CD300LG: variants seen among roughly 807,000 people sequenced by gnomAD.
CD300LG encodes the protein CD300 molecule like family member g.
Under a neutral mutation model 31.5 loss-of-function variants are expected in CD300LG, and 29 were observed. That is an observed-to-expected ratio of 0.92 (90% CI 0.68 to 1.25). The LOEUF (loss-of-function observed/expected upper bound fraction) is 1.25. Ranked by LOEUF, CD300LG falls within the 50% of genes most tolerant of loss-of-function variation. CD300LG has a pLI of 0.00. For missense variants in CD300LG, 396 were observed against 417.6 expected, an observed-to-expected ratio of 0.95 and a Z score of 0.45; for synonymous variants, 175 against 177.2, an observed-to-expected ratio of 0.99 and a Z score of 0.10.
At position 43,855,219 on chromosome 17, in the gene CD300LG, G is replaced by A. The variant is rs773935972; in HGVS notation, c.732G>A (p.Pro244=). 27 of 1,605,986 alleles carry A rather than the reference G, an allele frequency of 1.7e-5. No individual in the cohort carries two copies. Among genetic ancestry groups the A allele is most frequent in the Admixed American group, 6.8e-5 (4 of 58,836 alleles). Residue 244 remains proline (P), a synonymous_variant, in exon 5 of 7, where the codon CCG becomes CCA. Transcript: ENST00000317310. ...GTCTCGTCTCCAGGGTGTCCATCCCGATGGTCCGCATACTGGCCCCAGTCC... is the reference window on the plus strand; with the variant it reads ...GTCTCGTCTCCAGGGTGTCCATCCCAATGGTCCGCATACTGGCCCCAGTCC... ...SGSSKPRVSI[P]MVRILAPVLV...
rs769675435 is a variant in CD300LG at position 43,855,290 on chromosome 17, G to A, written c.803G>A (p.Cys268Tyr). Residue 268 changes from cysteine to tyrosine, a missense_variant, in exon 5 of 7, where the codon TGC (cysteine) becomes TAC (tyrosine). Cys to Tyr is a radical substitution (Grantham distance 194, BLOSUM62 -2). Coordinates refer to ENST00000317310, the MANE Select transcript of CD300LG (RefSeq NM_145273.4). The part of the protein sequence containing the change: ...LLSAAGLIAF[C>Y]SHLLLWRKEA... ...TCAGCCGCAGGCCTGATCGCCTTCT[G>A]CAGCCACCTGCTCCTGTGGAGAAAG... 3 of 1,599,606 alleles carry A rather than the reference G, an allele frequency of 1.9e-6. No individual in the cohort carries two copies. The highest frequency in any genetic ancestry group is 2.6e-6 in the Non-Finnish European group (3 of 1,174,892).
chr17:43,847,300 C>T (rs576127192), intron 1 of CD300LG, 41 bp downstream of exon 1: 5 of 1,608,946 alleles, frequency 3.1e-6, no homozygotes, highest in Non-Finnish European at 4.2e-6. Flanking sequence ...GTGGGGCTCA[C>T]CCTTGTGGTC....
In CD300LG at chr17:43,863,475, TCA is replaced by T. The variant is rs2046684070; in HGVS notation, c.*1567_*1568del. On this transcript the variant is annotated 3_prime_UTR_variant, in exon 7 of 7. Transcript: ENST00000317310. ...GTACTTCCTTCCACTCTTTTCTTCT[TCA>T]CATAATTTGCCGGTGTTCTTTTTAC... 6.6e-6 allele frequency: 1 copy of T among 152,266 alleles called. No individual in the cohort carries two copies. The highest frequency in any genetic ancestry group is 1.5e-5 in the Non-Finnish European group (1 of 68,052). The allele number at this position is 152,266 out of a possible 1,614,324, so 9.4% of individuals were successfully genotyped here.
intron 2 of CD300LG, 37 bp from the exon 3 acceptor site, chr17:43,852,875 G>A: frequency 6.6e-7 from 1 of 1,515,186 alleles, no homozygotes; most frequent in Non-Finnish European, 9.1e-7. Flanking sequence ...GTTCAGAGCG[G>A]TGCCACCCCT....
chr17:43,849,028 G>C (rs2046272006), intron 2 of CD300LG, 135 bp downstream of exon 2: 7 of 801,052 alleles, frequency 8.7e-6, no homozygotes, highest in Non-Finnish European at 9.8e-6. Flanking sequence ...CAAGCACCGA[G>C]CAAGGCTTGG....
intron 2 of CD300LG, among the ~76,000 whole-genome samples, chr17:43,851,574 G>A (rs544295601): frequency 6.6e-6 from 1 of 152,018 alleles, no homozygotes; most frequent in East Asian, 1.9e-4. Context: ...AGTGGGGACC[G>A]GAGTAGCTCC....
chr17:43,850,433 C>A (rs756791646), intron 2 of CD300LG, among the ~76,000 whole-genome samples: 1 of 151,326 alleles, frequency 6.6e-6, no homozygotes. Flanking sequence ...CATTTCTTTT[C>A]TTTTTATTTA....
At chr17:43,859,507 C>CTAG (rs2046610255) in intron 6 of CD300LG, among the ~76,000 whole-genome samples, 1 of 152,186 alleles carries the variant, frequency 6.6e-6, no homozygotes, top group Non-Finnish European at 1.5e-5. Flanking sequence ...CTAGGTGTGC[C>CTAG]GTTTGGCCTC....
At chr17:43,857,635 G>A (rs1486914372) in intron 6 of CD300LG, 2 of 1,135,780 alleles carry the variant, frequency 1.8e-6, no homozygotes, top group African/African-American at 3.1e-5. Context: ...TGGGGTCCAG[G>A]GACTCTGGCA....
At chr17:43,856,654 T>G (rs1211421627) in intron 5 of CD300LG, among the ~76,000 whole-genome samples, 1 of 152,210 alleles carries the variant, frequency 6.6e-6, no homozygotes, top group Non-Finnish European at 1.5e-5. Flanking sequence ...GGAGCATTCC[T>G]GGTCACAACC....
rs1160542940 is a variant in CD300LG, at chr17:43,854,035, C to G, written c.710C>G (p.Ser237Cys). ...DTSPALSSGS[S>C]KPRVSIPMVR... ...AGTCCAGCTCTCAGCAGTGGCAGCT[C>G]TAAGCCCAGGTGAGCCCCAGGTGAC... The change falls in exon 4 of 7, where the codon TCT (serine) becomes TGT (cysteine). Residue 237 changes from serine to cysteine, a missense_variant. By Grantham distance (112) the Ser-to-Cys change is moderately radical. Transcript: ENST00000317310. The G allele has an allele frequency of 6.2e-7, 1 of 1,613,396 alleles. No homozygotes were observed. Among genetic ancestry groups the G allele is most frequent in the African/African-American group, 1.3e-5 (1 of 75,046 alleles).
chr17:43,853,683 G>C lies in CD300LG; in HGVS notation c.482-124G>C, dbSNP rs1056751011. 5.4e-6 allele frequency: 4 copies of C among 743,698 alleles called. No homozygotes were observed. In the Admixed American group the frequency reaches 7.8e-5, roughly 14 times the overall value. 46.1% of individuals were successfully genotyped at this position (743,698 alleles called of 1,614,324 possible). On this transcript the variant is annotated intron_variant, in intron 3 of 6. Coordinates refer to ENST00000317310, the MANE Select transcript of CD300LG (RefSeq NM_145273.4). ...TGTTTGCTTACTGGGGTATCCTTTA[G>C]CTGGGGATGTTCCGAGAAACGGGTC...
chr17:43,861,287 T>C, intron 6 of CD300LG: 1 of 985,294 alleles, frequency 1.0e-6, no homozygotes. Context: ...AGGGAGGGGC[T>C]GAGGAGCCAC....
chr17:43,852,227 C>T (rs1430218216), intron 2 of CD300LG, among the ~76,000 whole-genome samples: 1 of 148,426 alleles, frequency 6.7e-6, no homozygotes, highest in Non-Finnish European at 1.5e-5. Context: ...TTTTTAGAGA[C>T]GAAGTTTTGC....
intron 2 of CD300LG, among the ~76,000 whole-genome samples, chr17:43,852,332 A>G (rs1489259353): frequency 1.3e-5 from 2 of 152,030 alleles, no homozygotes; most frequent in African/African-American, 2.4e-5. Context: ...CTCCTGCCTC[A>G]GCCTCCCAAG....
intron 1 of CD300LG, among the ~76,000 whole-genome samples, chr17:43,847,977 T>C (rs1238195325): frequency 6.6e-6 from 1 of 151,880 alleles, no homozygotes; most frequent in Non-Finnish European, 1.5e-5. Context: ...GCACGGTGGC[T>C]CACGCCTGTA....
At chr17:43,849,936 T>G (rs2046300626) in intron 2 of CD300LG, 1 of 152,208 alleles carries the variant, frequency 6.6e-6, no homozygotes. Context: ...TTGAATCTGT[T>G]CTTCATTATT....
In CD300LG at chr17:43,857,633, AGGGACTCT is replaced by A. The variant is rs1440806952; in HGVS notation, c.885+480_885+487del. 2.6e-6 allele frequency: 3 copies of A among 1,136,304 alleles called. No individual in the cohort carries two copies. The South Asian group carries it at 3.9e-5, about 15-fold the overall frequency. 70.4% of individuals were successfully genotyped at this position (1,136,304 alleles called of 1,614,324 possible). On this transcript the variant is annotated intron_variant, in intron 6 of 6. Transcript: ENST00000317310. ...GCTGAACCCTCCAGGGGTGGGGTCC[AGGGACTCT>A]GGCAGTGCTACAAACTCTAGTGTGC...
At chr17:43,852,294 A>G (rs1379533626) in intron 2 of CD300LG, among the ~76,000 whole-genome samples, 1 of 151,628 alleles carries the variant, frequency 6.6e-6, no homozygotes, top group Admixed American at 6.6e-5. Context: ...CAATCACCGC[A>G]ACCTCTCCCT....
Sources: gnomAD v4.1 joint callset for allele counts (sites outside exome capture counted in the v4.1 genomes callset) on GRCh38, gnomAD v4.1.1 for gene constraint, MANE v1.5 for transcripts, NCBI Gene and HGNC (gene_info 2026-07-23, HGNC 2026-07-21) for gene names.